Variants in SEPTIN14 observed in about 807,000 individuals in gnomAD.
SEPTIN14 encodes septin-14.
Under a neutral mutation model 53.6 loss-of-function variants are expected in SEPTIN14, and 40 were observed. That is an observed-to-expected ratio of 0.75 (90% CI 0.58 to 0.97). The LOEUF (loss-of-function observed/expected upper bound fraction) is 0.97. SEPTIN14 is among the 50% of genes least tolerant of loss of function. The pLI is 0.00. For synonymous variants in SEPTIN14, 138 were observed against 166.8 expected (o/e 0.83, Z 1.33); for missense variants, 471 against 508.2 (o/e 0.93, Z 0.70).
intron 2 of SEPTIN14, among the ~76,000 whole-genome samples, chr7:55,849,057 G>C (rs115706852): frequency 6.6e-6 from 1 of 152,102 alleles, no homozygotes; most frequent in Non-Finnish European, 1.5e-5. Flanking sequence ...AGGCACGTTG[G>C]CTCACGCCTG....
chr7:55,813,898 A>C (rs1788748572), intron 7 of SEPTIN14, among the ~76,000 whole-genome samples: 1 of 152,170 alleles, frequency 6.6e-6, no homozygotes, highest in Non-Finnish European at 1.5e-5. Flanking sequence ...AGTAGTAGCA[A>C]GGCAGTAGTT....
At chr7:55,803,021 T>C (rs1194485208) in intron 9 of SEPTIN14, among the ~76,000 whole-genome samples, 1 of 151,466 alleles carries the variant, frequency 6.6e-6, no homozygotes, top group African/African-American at 2.4e-5. Flanking sequence ...CACTGTAACC[T>C]CTACCTCCCG....
At chr7:55,840,200 A>C (rs1584267508) in intron 5 of SEPTIN14, among the ~76,000 whole-genome samples, 2 of 138,510 alleles carry the variant, frequency 1.4e-5, no homozygotes, top group East Asian at 4.6e-4. Flanking sequence ...AAGAAGATAA[A>C]ATGTGAGGCC....
rs563861570 is a variant in SEPTIN14, at chr7:55,856,398, C to T, written c.54+5545G>A. Among the ~76,000 whole-genome samples, 21 of 151,122 alleles carry T rather than the reference C, an allele frequency of 1.4e-4. No homozygotes were observed. In the East Asian group the frequency reaches 3.1e-3, roughly 22 times the overall value. ...CCATGGTGTATATGTACCACTTTTT[C>T]GTTTTTTTTTTGATATGGAATCTTG... On this transcript the variant is annotated intron_variant, in intron 2 of 9. Coordinates refer to ENST00000388975, the MANE Select transcript of SEPTIN14 (RefSeq NM_207366.3).
At chr7:55,861,791 C>T (rs1013708600) in intron 2 of SEPTIN14, among the ~76,000 whole-genome samples, 152 bp downstream of exon 2, 3 of 152,122 alleles carry the variant, frequency 2.0e-5, no homozygotes, top group African/African-American at 7.2e-5. Context: ...ATACTTAAAA[C>T]TCCAATTAGT....
intron 3 of SEPTIN14, among the ~76,000 whole-genome samples, 185 bp downstream of exon 3, chr7:55,846,332 T>C (rs1231181403): frequency 6.6e-6 from 1 of 151,712 alleles, no homozygotes; most frequent in Non-Finnish European, 1.5e-5. Flanking sequence ...CACTCCAGCC[T>C]GGGCAACAAA....
At chr7:55,803,022 C>T (rs1788548357) in intron 9 of SEPTIN14, among the ~76,000 whole-genome samples, 1 of 151,744 alleles carries the variant, frequency 6.6e-6, no homozygotes, top group Non-Finnish European at 1.5e-5. Flanking sequence ...ACTGTAACCT[C>T]TACCTCCCGG....
chr7:55,805,222 A>G, intron 9 of SEPTIN14, 36 bp downstream of exon 9: 1 of 1,576,954 alleles, frequency 6.3e-7, no homozygotes, highest in Non-Finnish European at 8.6e-7. Context: ...GGCACCTAAA[A>G]ATTAATACAA....
chr7:55,801,906 G>A (rs1788527186), intron 9 of SEPTIN14, among the ~76,000 whole-genome samples: 1 of 151,994 alleles, frequency 6.6e-6, no homozygotes, highest in Non-Finnish European at 1.5e-5. Context: ...GGGTGACACA[G>A]CGAGATCTTG....
chr7:55,826,057 G>T (rs184574402), intron 6 of SEPTIN14, among the ~76,000 whole-genome samples: 1 of 150,356 alleles, frequency 6.7e-6, no homozygotes, highest in Non-Finnish European at 1.5e-5. Flanking sequence ...AGCCGAGATC[G>T]AGCCACTGCA....
At chr7:55,816,819 A>C (rs1440841973) in intron 7 of SEPTIN14, among the ~76,000 whole-genome samples, 8 of 152,064 alleles carry the variant, frequency 5.3e-5, no homozygotes, top group Non-Finnish European at 1.2e-4. Flanking sequence ...TTAAAAACAC[A>C]ACAAGCTGTA....
chr7:55,841,189 G>A (rs150037095), intron 5 of SEPTIN14, among the ~76,000 whole-genome samples: 5 of 152,190 alleles, frequency 3.3e-5, no homozygotes, highest in East Asian at 1.9e-4. Flanking sequence ...GATTACAGGC[G>A]TGAGCCTCCG....
At chr7:55,823,504 T>C (rs575774294) in intron 6 of SEPTIN14, among the ~76,000 whole-genome samples, 79 of 152,276 alleles carry the variant, frequency 5.2e-4, no homozygotes, top group African/African-American at 1.8e-3. Flanking sequence ...TGATCTCAGA[T>C]AGAAGCTTTA....
At chr7:55,806,966 G>A in intron 8 of SEPTIN14, 124 bp downstream of exon 8, 1 of 680,062 alleles carries the variant, frequency 1.5e-6, no homozygotes, top group South Asian at 2.8e-5. Context: ...ACATTCAGGT[G>A]TTTTCTTTAT....
rs549077452 is a variant in SEPTIN14 at position 55,823,027 on chromosome 7, G to A, written c.721-3804C>T. On this transcript the variant is annotated intron_variant, in intron 6 of 9. Coordinates refer to ENST00000388975, the MANE Select transcript of SEPTIN14 (RefSeq NM_207366.3). ...TAGCTCACTGCCACTGATAGTGGCA[G>A]GAGGCGGACAAATGCCTAGGCAGAT... 2.6e-5 allele frequency among the ~76,000 whole-genome samples: 4 copies of A among 152,286 alleles called. No individual in the cohort carries two copies. The South Asian group carries it at 6.2e-4, about 24-fold the overall frequency.
intron 7 of SEPTIN14, among the ~76,000 whole-genome samples, chr7:55,814,143 G>A (rs781701747): frequency 2.0e-5 from 3 of 152,168 alleles, no homozygotes; most frequent in Admixed American, 6.5e-5. Context: ...GAGGCAGTAC[G>A]AGTCTGCTGG....
chr7:55,846,494 C>A, intron 3 of SEPTIN14, 23 bp downstream of exon 3: 2 of 1,537,882 alleles, frequency 1.3e-6, no homozygotes, highest in East Asian at 2.3e-5. Flanking sequence ...AGGAATAATT[C>A]AAATGAGGTG....
intron 2 of SEPTIN14, among the ~76,000 whole-genome samples, chr7:55,854,725 G>A (rs146537663): frequency 6.6e-6 from 1 of 152,040 alleles, no homozygotes; most frequent in South Asian, 2.1e-4. Flanking sequence ...ACCACACCCG[G>A]CCTGTACTGG....
At chr7:55,832,145 G>A (rs1789118349) in intron 6 of SEPTIN14, among the ~76,000 whole-genome samples, 1 of 152,132 alleles carries the variant, frequency 6.6e-6, no homozygotes, top group South Asian at 2.1e-4. Context: ...AGGTTGCAGT[G>A]AGATGAGATC....
Sources: allele counts gnomAD v4.1 joint callset (sites outside exome capture counted in the v4.1 genomes callset), GRCh38; gene constraint gnomAD v4.1.1; transcripts MANE v1.5; gene names NCBI Gene and HGNC (gene_info 2026-07-23, HGNC 2026-07-21).